DTNA: variants seen among roughly 807,000 people sequenced by gnomAD.
DTNA encodes dystrophin-related protein 3.
A neutral mutation model predicts 100.7 loss-of-function variants in DTNA; 43 were observed. The ratio of observed to expected loss-of-function variants is 0.43; its 90% CI spans 0.33 to 0.55. The LOEUF (loss-of-function observed/expected upper bound fraction) is 0.55. DTNA is among the 20% of genes least tolerant of loss of function. The pLI, the probability that DTNA is intolerant of heterozygous loss-of-function variation, is 0.04. For missense variants in DTNA, 798 were observed against 953.9 expected, an observed-to-expected ratio of 0.84 and a Z score of 2.15; for synonymous variants, 349 against 347.9, an observed-to-expected ratio of 1.00 and a Z score of -0.04.
intron 1 of DTNA, among the ~76,000 whole-genome samples, chr18:34,547,905 AACC>A (rs2044974632): frequency 6.6e-6 from 1 of 152,180 alleles, no homozygotes; most frequent in African/African-American, 2.4e-5. Flanking sequence ...TAATCACAGC[AACC>A]AACTAAGTGT....
rs146193503 is a variant in DTNA at position 34,809,617 on chromosome 18, G to A, written c.449-2342G>A. ...TTTCTAATTCACGTTAAGCCAAAAT[G>A]CCAGCTGTGCTTGTTTGGCAATTTT... On this transcript the variant is annotated intron_variant, in intron 5 of 22. Coordinates refer to ENST00000444659, the MANE Select transcript of DTNA (RefSeq NM_001386795.1). Among the ~76,000 whole-genome samples, 252 of 152,254 alleles carry A rather than the reference G, an allele frequency of 1.7e-3. 2 individuals are homozygous for A. The highest frequency in any genetic ancestry group is 5.5e-3 in the African/African-American group (230 of 41,540).
intron 11 of DTNA, among the ~76,000 whole-genome samples, chr18:34,835,149 G>A (rs2096112264): frequency 1.3e-5 from 2 of 152,190 alleles, no homozygotes; most frequent in South Asian, 4.1e-4. Flanking sequence ...CAGATGATGA[G>A]AAGAAGAATT....
intron 1 of DTNA, among the ~76,000 whole-genome samples, chr18:34,713,170 C>T (rs370951251): frequency 2.3e-4 from 35 of 151,682 alleles, no homozygotes; most frequent in African/African-American, 7.0e-4. Context: ...ATAATGATAA[C>T]GACAATAATG....
At chr18:34,845,987 A>C (rs932082544) in intron 13 of DTNA, among the ~76,000 whole-genome samples, 1 of 152,304 alleles carries the variant, frequency 6.6e-6, no homozygotes, top group Admixed American at 6.5e-5. Flanking sequence ...TATCTGTTAA[A>C]TACTCTTGAA....
At chr18:34,739,612 T>G (rs2090262685) in intron 1 of DTNA, among the ~76,000 whole-genome samples, 1 of 152,184 alleles carries the variant, frequency 6.6e-6, no homozygotes, top group African/African-American at 2.4e-5. Context: ...ACACTCCATA[T>G]TCATTTCATG....
intron 11 of DTNA, among the ~76,000 whole-genome samples, chr18:34,829,796 A>G (rs1273534608): frequency 6.6e-6 from 1 of 152,190 alleles, no homozygotes; most frequent in Non-Finnish European, 1.5e-5. Flanking sequence ...TTTGCAAAAA[A>G]CCCAGATGGT....
At chr18:34,693,969 G>T (rs1338820924) in intron 1 of DTNA, among the ~76,000 whole-genome samples, 2 of 152,060 alleles carry the variant, frequency 1.3e-5, no homozygotes, top group Admixed American at 6.6e-5. Flanking sequence ...ACACTGAAAA[G>T]ATACAGGTAT....
At chr18:34,579,859 C>T (rs1166860025) in intron 1 of DTNA, among the ~76,000 whole-genome samples, 1 of 152,004 alleles carries the variant, frequency 6.6e-6, no homozygotes, top group African/African-American at 2.4e-5. Context: ...TATCTTTTAC[C>T]AGTTTTGGAA....
intron 4 of DTNA, among the ~76,000 whole-genome samples, chr18:34,795,351 G>A (rs556585632): frequency 3.9e-5 from 6 of 152,238 alleles, no homozygotes; most frequent in South Asian, 2.1e-4. Flanking sequence ...TATTGTCTTC[G>A]TGATATTTAT....
intron 1 of DTNA, among the ~76,000 whole-genome samples, chr18:34,649,658 A>G (rs1417933253): frequency 6.6e-6 from 1 of 152,194 alleles, no homozygotes; most frequent in Non-Finnish European, 1.5e-5. Flanking sequence ...TGTTTCTGCC[A>G]AACACATTAA....
intron 1 of DTNA, among the ~76,000 whole-genome samples, chr18:34,680,826 C>T (rs1178797086): frequency 6.6e-6 from 1 of 152,080 alleles, no homozygotes; most frequent in East Asian, 1.9e-4. Context: ...TTTCTGAATC[C>T]TTTATTTTCC....
chr18:34,517,677 T>A (rs1418142471), intron 1 of DTNA, among the ~76,000 whole-genome samples: 1 of 151,992 alleles, frequency 6.6e-6, no homozygotes, highest in African/African-American at 2.4e-5. Context: ...ATTGCAAAAA[T>A]GTTATATAAA....
rs61242937 is a variant in DTNA at position 34,769,725 on chromosome 18, C to CTTTTTTTTTTTTTTTTTTT, written c.148+3699_148+3700insTTTTTTTTTTTTTTTTTTT. Among the ~76,000 whole-genome samples, 37 of 53,858 alleles carry CTTTTTTTTTTTTTTTTTTT rather than the reference C, an allele frequency of 6.9e-4. 5 individuals carry two copies. The highest frequency in any genetic ancestry group is 1.6e-3 in the African/African-American group (33 of 20,390). 35.3% of individuals were successfully genotyped at this position (53,858 alleles called of 152,430 possible). A position where few individuals can be genotyped will look rare whatever the true frequency, so the allele number is the denominator to read the frequency against. On this transcript the variant is annotated intron_variant, in intron 3 of 22. Coordinates refer to ENST00000444659, the MANE Select transcript of DTNA (RefSeq NM_001386795.1). Reference sequence around the variant, plus strand: ...GAAGAAGCAAGGCAGCCCTCTGGGGCTTTTTTTTTTTTTTTGACAGAGTTT... The same window carrying CTTTTTTTTTTTTTTTTTTT: ...GAAGAAGCAAGGCAGCCCTCTGGGGCTTTTTTTTTTTTTTTTTTTTTTTTTTTTTTTTTTGACAGAGTTT...
chr18:34,863,001 C>G lies in DTNA; in HGVS notation c.1647-965C>G, dbSNP rs528998553. ...AGCCATATCCATTTATACATTAATA[C>G]ATACATGTTTAAAGTTTCCATGCAG... On this transcript the variant is annotated intron_variant, in intron 16 of 22. Transcript: ENST00000444659. Among the ~76,000 whole-genome samples the G allele has an allele frequency of 3.9e-5, 6 of 152,250 alleles. No individual in the cohort carries two copies. The East Asian group carries it at 9.6e-4, about 24-fold the overall frequency.
At chr18:34,753,390 A>T (rs1175205883) in intron 1 of DTNA, among the ~76,000 whole-genome samples, 1,128 of 13,256 alleles carry the variant, frequency 0.085, 61 homozygotes, top group African/African-American at 0.28. Context: ...TTTATTTTTT[A>T]TTTTTTTTTT....
intron 1 of DTNA, among the ~76,000 whole-genome samples, chr18:34,647,513 C>A (rs1257606458): frequency 6.6e-6 from 1 of 152,172 alleles, no homozygotes; most frequent in Non-Finnish European, 1.5e-5. Flanking sequence ...GACTTCACTG[C>A]AAAGGAGTCT....
chr18:34,746,740 G>A (rs936026731), intron 1 of DTNA, among the ~76,000 whole-genome samples: 1 of 152,090 alleles, frequency 6.6e-6, no homozygotes, highest in African/African-American at 2.4e-5. Context: ...GCATAACAGA[G>A]TCTGAATTTG....
rs2096961981 is a variant in DTNA at position 34,891,002 on chromosome 18, A to G, written c.*3268A>G. The stretch of plus-strand genomic sequence containing the variant: ...TGGTTGCTGCATTCCCCTTGGTTCG[A>G]TTCCACGCAAGGAGCCACAAGTGAG... On this transcript the variant is annotated 3_prime_UTR_variant, in exon 23 of 23. Transcript: ENST00000444659. 1 of 152,612 alleles carries G rather than the reference A, an allele frequency of 6.6e-6. No individual in the cohort carries two copies. The highest frequency in any genetic ancestry group is 2.4e-5 in the African/African-American group (1 of 41,422). 9.5% of individuals were successfully genotyped at this position (152,612 alleles called of 1,614,324 possible). A position where few individuals can be genotyped will look rare whatever the true frequency, so the allele number is the denominator to read the frequency against.
chr18:34,577,237 C>G (rs904779431), intron 1 of DTNA, among the ~76,000 whole-genome samples: 9 of 152,174 alleles, frequency 5.9e-5, no homozygotes, highest in Non-Finnish European at 1.3e-4. Context: ...TCTCTGATAA[C>G]ATATTAATAC....
Sources: allele counts gnomAD v4.1 joint callset (sites outside exome capture counted in the v4.1 genomes callset), GRCh38; gene constraint gnomAD v4.1.1; transcripts MANE v1.5; gene names NCBI Gene and HGNC (gene_info 2026-07-23, HGNC 2026-07-21).